Variants in LRRC4C observed in about 807,000 individuals in gnomAD.
The protein encoded by LRRC4C is leucine rich repeat containing 4C, also known as leucine-rich repeat-containing protein 4C.
LRRC4C carries 5 observed loss-of-function variants against 33.6 expected under a neutral mutation model. The ratio of observed to expected loss-of-function variants is 0.15; its 90% CI spans 0.08 to 0.31. The LOEUF is 0.31. Among genes scored for constraint, LRRC4C ranks in the 10% least tolerant of loss-of-function variants. The pLI, the probability that LRRC4C is intolerant of heterozygous loss-of-function variation, is 1.00. For missense variants in LRRC4C, 560 were observed against 796.7 expected (o/e 0.70, Z 3.58); for synonymous variants, 329 against 302.0 (o/e 1.09, Z -0.93).
At chr11:40,571,740 A>G (rs975237113) in intron 3 of LRRC4C, among the ~76,000 whole-genome samples, 2 of 152,142 alleles carry the variant, frequency 1.3e-5, no homozygotes, top group Non-Finnish European at 2.9e-5. Context: ...AACACCCCCT[A>G]TAGCTTAGAA....
intron 2 of LRRC4C, among the ~76,000 whole-genome samples, chr11:40,891,264 A>AAAC (rs749151549): frequency 2.6e-5 from 4 of 152,050 alleles, no homozygotes; most frequent in East Asian, 1.9e-4. Flanking sequence ...AAACAAAATC[A>AAAC]AACAACAACA....
intron 1 of LRRC4C, among the ~76,000 whole-genome samples, chr11:41,024,001 A>G (rs1186757493): frequency 6.6e-6 from 1 of 151,716 alleles, no homozygotes; most frequent in East Asian, 1.9e-4. Context: ...CAAACTGGAC[A>G]AGCAATTAAC....
At chr11:40,636,970 C>T (rs1176073079) in intron 3 of LRRC4C, among the ~76,000 whole-genome samples, 3 of 152,152 alleles carry the variant, frequency 2.0e-5, no homozygotes, top group Admixed American at 2.0e-4. Flanking sequence ...GACAACATTG[C>T]ACTGGCATCT....
chr11:40,618,705 A>G (rs558493315), intron 3 of LRRC4C, among the ~76,000 whole-genome samples: 460 of 151,632 alleles, frequency 3.0e-3, no homozygotes, highest in Middle Eastern at 0.01. Flanking sequence ...GTGAGTAATA[A>G]TTTTTATTAT....
chr11:40,376,735 G>GTGTGTGTGTGTA (rs1948674740), intron 3 of LRRC4C, among the ~76,000 whole-genome samples: 3 of 151,992 alleles, frequency 2.0e-5, no homozygotes, highest in Non-Finnish European at 1.5e-5. Context: ...GTGTGTGTGT[G>GTGTGTGTGTGTA]TGTGTGTGTG....
chr11:41,059,210 G>GTTTTTTTTTTTTTTTTTTTTTTTT (rs397935483), intron 1 of LRRC4C, among the ~76,000 whole-genome samples: 1 of 125,194 alleles, frequency 8.0e-6, no homozygotes, highest in Non-Finnish European at 1.6e-5. Context: ...TAAAATAAAA[G>GTTTTTTTTTTTTTTTTTTTTTTTT]TTTTTTTTTT....
intron 4 of LRRC4C, among the ~76,000 whole-genome samples, chr11:40,285,543 C>G (rs555828141): frequency 1.3e-5 from 2 of 152,288 alleles, no homozygotes; most frequent in East Asian, 3.9e-4. Context: ...TGCCTTATAA[C>G]ATTTTGCAAA....
At chr11:40,120,237 G>C (rs541541420) in intron 6 of LRRC4C, among the ~76,000 whole-genome samples, 1 of 152,202 alleles carries the variant, frequency 6.6e-6, no homozygotes, top group African/African-American at 2.4e-5. Context: ...AAAAGGCCTG[G>C]CTCATCATGT....
intron 1 of LRRC4C, among the ~76,000 whole-genome samples, chr11:41,101,003 T>C (rs79654260): frequency 6.6e-6 from 1 of 151,928 alleles, no homozygotes; most frequent in African/African-American, 2.4e-5. Flanking sequence ...AAAAGTCAAC[T>C]CAAGATGGAT....
intron 3 of LRRC4C, among the ~76,000 whole-genome samples, chr11:40,494,506 C>A (rs1467310852): frequency 1.3e-5 from 2 of 151,918 alleles, no homozygotes; most frequent in African/African-American, 2.4e-5. Flanking sequence ...CCATTAGGGA[C>A]CTTGAATAAA....
At chr11:41,417,409 T>C (rs553936309) in intron 1 of LRRC4C, among the ~76,000 whole-genome samples, 1 of 152,160 alleles carries the variant, frequency 6.6e-6, no homozygotes, top group South Asian at 2.1e-4. Context: ...TAATCCTAGA[T>C]CTAAAAGCAG....
intron 1 of LRRC4C, among the ~76,000 whole-genome samples, chr11:41,107,795 AT>A (rs1751695351): frequency 6.6e-6 from 1 of 151,988 alleles, no homozygotes; most frequent in Admixed American, 6.6e-5. Flanking sequence ...AAAATTAGCC[AT>A]GTGTGTTGAT....
chr11:40,886,969 C>T (rs11036141), intron 2 of LRRC4C, among the ~76,000 whole-genome samples: 100,864 of 145,074 alleles, frequency 0.7, 37,648 homozygotes, highest in Non-Finnish European at 0.84. Flanking sequence ...TATATATATA[C>T]ATATATATAT....
chr11:40,800,094 C>A (rs1950982875), intron 2 of LRRC4C, among the ~76,000 whole-genome samples: 2 of 152,112 alleles, frequency 1.3e-5, no homozygotes, highest in East Asian at 1.9e-4. Context: ...GTTATCTAAT[C>A]CTATAAATTC....
chr11:41,443,102 T>TC (rs1955704621), intron 1 of LRRC4C, among the ~76,000 whole-genome samples: 2 of 148,316 alleles, frequency 1.3e-5, no homozygotes, highest in Non-Finnish European at 3.0e-5. Context: ...TTTTTTTTTT[T>TC]TTTTTTTGCT....
intron 3 of LRRC4C, among the ~76,000 whole-genome samples, chr11:40,343,689 C>T (rs1441020656): frequency 1.0e-5 from 1 of 100,424 alleles, no homozygotes; most frequent in Non-Finnish European, 2.1e-5. Flanking sequence ...AAAAGAATAA[C>T]GAATCCAGGA....
At chr11:40,386,946 A>G (rs1353753732) in intron 3 of LRRC4C, among the ~76,000 whole-genome samples, 1 of 152,158 alleles carries the variant, frequency 6.6e-6, no homozygotes, top group African/African-American at 2.4e-5. Context: ...ATATTATTAT[A>G]TCATATATAT....
intron 2 of LRRC4C, among the ~76,000 whole-genome samples, chr11:40,894,424 T>A (rs1378616614): frequency 1.3e-5 from 2 of 152,170 alleles, no homozygotes; most frequent in African/African-American, 4.8e-5. Context: ...TGTGGCCAAA[T>A]CTGTTAGAAA....
chr11:41,294,128 A>G (rs1399865446), intron 1 of LRRC4C, among the ~76,000 whole-genome samples: 10 of 152,164 alleles, frequency 6.6e-5, no homozygotes, highest in Admixed American at 6.5e-4. Context: ...ACTTCTATAG[A>G]CAGTTTAGAG....
Sources: gnomAD v4.1 joint callset for allele counts (sites outside exome capture counted in the v4.1 genomes callset) on GRCh38, gnomAD v4.1.1 for gene constraint, MANE v1.5 for transcripts, NCBI Gene and HGNC (gene_info 2026-07-23, HGNC 2026-07-21) for gene names.